Variants in TSFM observed in about 807,000 individuals in gnomAD.
The protein encoded by TSFM is Ts translation elongation factor, mitochondrial.
Under a neutral mutation model 33.4 loss-of-function variants are expected in TSFM, and 29 were observed. The observed-to-expected ratio is 0.87, with a 90% CI of 0.65 to 1.18. The LOEUF is 1.18. Among genes scored for constraint, TSFM ranks in the 50% most tolerant of loss-of-function variants. The pLI, the probability that TSFM is intolerant of heterozygous loss-of-function variation, is 0.00. For synonymous variants in TSFM, 178 were observed against 163.5 expected (o/e 1.09, Z -0.68); for missense variants, 394 against 395.6 (o/e 1.00, Z 0.04).
At chr12:57,797,877 T>C, downstream of TSFM, 1 of 1,608,840 alleles carries the variant, frequency 6.2e-7, no homozygotes, top group Non-Finnish European at 8.5e-7. Flanking sequence ...ATAGGCCTTC[T>C]TGCTTTAGAA....
At chr12:57,798,189 T>G (rs907088252), downstream of TSFM, among the ~76,000 whole-genome samples, 1 of 152,242 alleles carries the variant, frequency 6.6e-6, no homozygotes, top group African/African-American at 2.4e-5. Flanking sequence ...AGTCCCATTT[T>G]GGCCTGTGGC....
At chr12:57,789,586 G>A (rs770781367) in intron 4 of TSFM, among the ~76,000 whole-genome samples, 7 of 148,972 alleles carry the variant, frequency 4.7e-5, no homozygotes, top group Non-Finnish European at 8.9e-5. Context: ...GGCTGGTCTC[G>A]CACTCCTGAC....
chr12:57,785,988 A>G (rs1262925404), intron 2 of TSFM, among the ~76,000 whole-genome samples, 175 bp from the exon 3 acceptor site: 1 of 152,268 alleles, frequency 6.6e-6, no homozygotes, highest in Non-Finnish European at 1.5e-5. Context: ...CCAAGGCACC[A>G]GTTATAATAA....
intron 4 of TSFM, among the ~76,000 whole-genome samples, chr12:57,790,609 C>G (rs991525674): frequency 2.0e-5 from 3 of 151,880 alleles, no homozygotes; most frequent in African/African-American, 7.3e-5. Context: ...ATTTGTAGTT[C>G]TTTTTGTCTT....
intron 2 of TSFM, among the ~76,000 whole-genome samples, chr12:57,785,651 C>T (rs765523250): frequency 1.3e-5 from 2 of 152,098 alleles, no homozygotes; most frequent in Non-Finnish European, 2.9e-5. Context: ...ATAGTAAATA[C>T]ATAAGCCAGT....
In TSFM at chr12:57,796,673, G is replaced by A. The variant is rs1453840811; in HGVS notation, c.*90G>A. On this transcript the variant is annotated 3_prime_UTR_variant, in exon 6 of 6. Coordinates refer to ENST00000652027, the MANE Select transcript of TSFM (RefSeq NM_005726.6). ...AATATTTCCCAAACCTCTTCAGACC[G>A]AGAATGCATGGGTAAAATTATTAAA... The A allele has an allele frequency of 3.2e-6, 4 of 1,259,794 alleles. No individual in the cohort carries two copies. The highest frequency in any genetic ancestry group is 4.0e-6 in the Non-Finnish European group (4 of 995,118). The allele number at this position is 1,259,794 out of a possible 1,614,324, so 78.0% of individuals were successfully genotyped here. A position where few individuals can be genotyped will look rare whatever the true frequency, so the allele number is the denominator to read the frequency against.
intron 2 of TSFM, 104 bp downstream of exon 2, chr12:57,783,387 T>C: frequency 1.5e-5 from 20 of 1,366,700 alleles, no homozygotes; most frequent in Non-Finnish European, 2.0e-5. Context: ...TCAGTGACCA[T>C]AATGGCACAG....
rs1434791354 is a variant in TSFM, at chr12:57,796,459, C to T, written c.854C>T (p.Ser285Phe). ...GGAGAGGCAGAGACTAAGATGCTGT[C>T]CCAGCCGTATTTGCTGGATCCCTCC... is the stretch of plus-strand genomic sequence containing the variant. Reference protein sequence around the residue: ...PGGEAETKMLSQPYLLDPSIT... With the variant: ...PGGEAETKMLFQPYLLDPSIT... Residue 285 changes from serine (S) to phenylalanine (F), a missense_variant, in exon 6 of 6, where the codon TCC (serine) becomes TTC (phenylalanine). Around this residue, in one of 3 missense-constraint regions of TSFM, gnomAD observed 186 missense variants for 198.8 expected, o/e 0.94. Coordinates refer to ENST00000652027, the MANE Select transcript of TSFM (RefSeq NM_005726.6). 2.1e-5 allele frequency: 34 copies of T among 1,596,714 alleles called. No homozygotes were observed. The highest frequency in any genetic ancestry group is 2.5e-5 in the Non-Finnish European group (29 of 1,170,542).
intron 2 of TSFM, among the ~76,000 whole-genome samples, chr12:57,785,178 A>G (rs567329691): frequency 1.3e-5 from 2 of 152,024 alleles, no homozygotes; most frequent in Admixed American, 6.6e-5. Context: ...CGCCCACCTC[A>G]GCCTCCCAAA....
chr12:57,784,670 C>T (rs981430116), intron 2 of TSFM, among the ~76,000 whole-genome samples: 4 of 151,528 alleles, frequency 2.6e-5, no homozygotes, highest in Non-Finnish European at 4.4e-5. Context: ...CCTGAGGTTG[C>T]GAGTTCGAGA....
chr12:57,790,681 G>C (rs1283415122), intron 4 of TSFM, among the ~76,000 whole-genome samples: 1 of 151,172 alleles, frequency 6.6e-6, no homozygotes, highest in East Asian at 1.9e-4. Flanking sequence ...TTTTCCTTCT[G>C]TGAGCTTATG....
At chr12:57,784,612 C>A (rs1318779052) in intron 2 of TSFM, among the ~76,000 whole-genome samples, 1 of 151,990 alleles carries the variant, frequency 6.6e-6, no homozygotes, top group East Asian at 1.9e-4. Flanking sequence ...GGCGTGGTGG[C>A]TCATGCCTGT....
intron 2 of TSFM, chr12:57,784,194 A>G: frequency 1.4e-6 from 1 of 697,486 alleles, no homozygotes. Context: ...ATCTAAACAT[A>G]GAAAAAGTAC....
At chr12:57,785,019 C>G (rs896842436) in intron 2 of TSFM, among the ~76,000 whole-genome samples, 1 of 146,662 alleles carries the variant, frequency 6.8e-6, no homozygotes, top group Non-Finnish European at 1.5e-5. Context: ...CTCCACCTCC[C>G]AGGTTCACAC....
chr12:57,783,008 T>C, intron 1 of TSFM, 102 bp from the exon 2 acceptor site: 1 of 1,494,766 alleles, frequency 6.7e-7, no homozygotes, highest in Non-Finnish European at 9.0e-7. Flanking sequence ...GCACCCCCCT[T>C]TGCACACTGT....
chr12:57,783,610 TTC>T (rs1955544795), intron 2 of TSFM: 1 of 563,480 alleles, frequency 1.8e-6, no homozygotes, highest in Non-Finnish European at 3.4e-6. Flanking sequence ...TTTTTTTTTT[TTC>T]AGACGGAGTC....
chr12:57,787,903 A>G (rs1955610752), intron 4 of TSFM, among the ~76,000 whole-genome samples: 1 of 152,052 alleles, frequency 6.6e-6, no homozygotes, highest in Admixed American at 6.5e-5. Flanking sequence ...CAATAAGAGC[A>G]AAACTCCGTC....
chr12:57,784,232 G>A, intron 2 of TSFM: 3 of 671,110 alleles, frequency 4.5e-6, no homozygotes, highest in Non-Finnish European at 5.4e-6. Context: ...GATAAAAAAC[G>A]ATACATCTCC....
At chr12:57,783,058 C>A in intron 1 of TSFM, 52 bp from the exon 2 acceptor site, 6 of 1,572,490 alleles carry the variant, frequency 3.8e-6, no homozygotes, top group Non-Finnish European at 5.2e-6. Flanking sequence ...GTACCCTTCA[C>A]CCTCTGGAGT....
Sources: gnomAD v4.1 joint callset for allele counts (sites outside exome capture counted in the v4.1 genomes callset) on GRCh38, gnomAD v4.1.1 for gene constraint, gnomAD v4.1.1 regional missense constraint, MANE v1.5 for transcripts, NCBI Gene and HGNC (gene_info 2026-07-23, HGNC 2026-07-21) for gene names.